The following FBXO43 variants were observed in gnomAD, a reference collection of about 807,000 sequenced individuals.
The protein encoded by FBXO43 is F-box only protein 43.
FBXO43 carries 22 observed loss-of-function variants against 56.7 expected under a neutral mutation model. That is an observed-to-expected ratio of 0.39 (90% CI 0.28 to 0.55). The LOEUF (loss-of-function observed/expected upper bound fraction) is 0.55, where lower values mean the gene tolerates loss of function less well. Ranked by LOEUF, FBXO43 falls within the 20% of genes least tolerant of loss-of-function variation. The pLI is 0.66. For missense variants in FBXO43, 733 were observed against 814.9 expected (o/e 0.90, Z 1.22); for synonymous variants, 306 against 294.5 (o/e 1.04, Z -0.40).
intron 3 of FBXO43, among the ~76,000 whole-genome samples, chr8:100,136,446 C>T (rs1335279916): frequency 6.6e-6 from 1 of 152,016 alleles, no homozygotes; most frequent in Admixed American, 6.6e-5. Context: ...CTTTTTTGGC[C>T]TAAAGTTGAA....
At position 100,134,436 on chromosome 8, in the gene FBXO43, G is replaced by A. The variant is rs188203494; in HGVS notation, c.1675-72C>T. The A allele has an allele frequency of 5.3e-5, 68 of 1,271,824 alleles. No individual in the cohort carries two copies. The East Asian group carries it at 8.1e-4, about 15-fold the overall frequency. 78.8% of individuals were successfully genotyped at this position (1,271,824 alleles called of 1,614,324 possible). A position where few individuals can be genotyped will look rare whatever the true frequency, so the allele number is the denominator to read the frequency against. Reference sequence around the variant, plus strand: ...TCCGGGATAGCTTTCTGATGCACACGGATTTATATGCTTTGAAGAGGTTTT... The same window carrying A: ...TCCGGGATAGCTTTCTGATGCACACAGATTTATATGCTTTGAAGAGGTTTT... On this transcript the variant is annotated intron_variant, in intron 3 of 4. Coordinates refer to ENST00000428847, the MANE Select transcript of FBXO43 (RefSeq NM_001029860.4).
upstream of FBXO43, among the ~76,000 whole-genome samples, chr8:100,149,906 G>T (rs2453639): frequency 0.38 from 57,145 of 151,962 alleles, 11,003 homozygotes; most frequent in East Asian, 0.51. Context: ...AAATGTAAAC[G>T]TTCTGAACCC....
chr8:100,141,747 A>G lies in FBXO43; in HGVS notation c.507T>C (p.Phe169=). Residue 169 remains phenylalanine, a synonymous_variant, in exon 2 of 5, where the codon TTT becomes TTC. Transcript: ENST00000428847. ...TTTCTAAAGAACTATTTTGTGATTCAAAGTCCCCTTTTAGAAGAGCGAAAG... is the reference window on the plus strand; with the variant it reads ...TTTCTAAAGAACTATTTTGTGATTCGAAGTCCCCTTTTAGAAGAGCGAAAG... The part of the protein sequence containing the change: ...NVSFALLKGD[F]ESQNSSLESS... 6.3e-7 allele frequency: 1 copy of G among 1,595,382 alleles called. No individual in the cohort carries two copies. The highest frequency in any genetic ancestry group is 8.5e-7 in the Non-Finnish European group (1 of 1,169,706).
At chr8:100,147,753 G>A (rs2453636), upstream of FBXO43, among the ~76,000 whole-genome samples, 57,319 of 151,996 alleles carry the variant, frequency 0.38, 11,073 homozygotes, top group East Asian at 0.51. Flanking sequence ...CAACTGCATG[G>A]GGCAAGGAGT....
rs764669281 is a variant in FBXO43 at position 100,141,192 on chromosome 8, A to AGT, written c.1061_1062insAC (p.Phe355LeufsTer19). 1.1e-5 allele frequency: 17 copies of AGT among 1,614,194 alleles called. No homozygotes were observed. The highest frequency in any genetic ancestry group is 1.4e-5 in the Non-Finnish European group (17 of 1,180,054). ...TATGTTTCTGCAGTAGTTCTTGAAA[A>AGT]GAACCCTCCTGGTCAGACAGGGAAT... is the stretch of plus-strand genomic sequence containing the variant. On this transcript the variant is annotated frameshift_variant, in exon 2 of 5. Transcript: ENST00000428847. LOFTEE classifies it high-confidence loss of function.
chr8:100,137,965 A>G (rs1814524540), intron 2 of FBXO43, among the ~76,000 whole-genome samples: 1 of 152,224 alleles, frequency 6.6e-6, no homozygotes, highest in Non-Finnish European at 1.5e-5. Context: ...CTTCAAATGT[A>G]ACATTAAAAA....
Position 100,133,598 on chromosome 8 carries a change from A to T in FBXO43, c.*204T>A. On this transcript the variant is annotated 3_prime_UTR_variant, in exon 5 of 5. Coordinates refer to ENST00000428847, the MANE Select transcript of FBXO43 (RefSeq NM_001029860.4). ...CTTTATTTAAAATACCAAGTTATTAAAATGGGTAAAATGACATAGTAAAAT... is the reference window on the plus strand; with the variant it reads ...CTTTATTTAAAATACCAAGTTATTATAATGGGTAAAATGACATAGTAAAAT... 1 of 471,182 alleles carries T rather than the reference A, an allele frequency of 2.1e-6. No individual in the cohort carries two copies. Among genetic ancestry groups the T allele is most frequent in the South Asian group, 4.9e-5 (1 of 20,308 alleles). 29.2% of individuals were successfully genotyped at this position (471,182 alleles called of 1,614,324 possible). A position where few individuals can be genotyped will look rare whatever the true frequency, so the allele number is the denominator to read the frequency against.
At position 100,141,793 on chromosome 8, in the gene FBXO43, G is replaced by A. The variant is rs370867232; in HGVS notation, c.461C>T (p.Pro154Leu). ...TPKISGKKCL[P>L]RRRLNVSFAL... ...GAAAGATACATTCAACCTTCTGCGA[G>A]GTAAACATTTTTTCCCACTGATTTT... The change falls in exon 2 of 5, where the codon CCT becomes CTT. Residue 154 changes from proline (P) to leucine (L), a missense_variant. Coordinates refer to ENST00000428847, the MANE Select transcript of FBXO43 (RefSeq NM_001029860.4). 1.9e-6 allele frequency: 3 copies of A among 1,583,372 alleles called. No homozygotes were observed. Among genetic ancestry groups the A allele is most frequent in the Admixed American group, 3.8e-5 (2 of 53,236 alleles).
chr8:100,137,706 T>C (rs1381665626), intron 2 of FBXO43, 39 bp from the exon 3 acceptor site: 3 of 1,454,032 alleles, frequency 2.1e-6, no homozygotes, highest in Non-Finnish European at 2.9e-6. Context: ...GCATACATTC[T>C]ATAGGATTAA....
intron 3 of FBXO43, among the ~76,000 whole-genome samples, chr8:100,135,946 A>C (rs1257664936): frequency 1.3e-5 from 2 of 151,056 alleles, no homozygotes; most frequent in East Asian, 1.9e-4. Context: ...TTTTTTGAGA[A>C]TAGAACATTT....
Position 100,142,013 on chromosome 8 carries a change from A to C in FBXO43, c.241T>G (p.Leu81Val), listed in dbSNP as rs1814674382. 1 of 1,613,578 alleles carries C rather than the reference A, an allele frequency of 6.2e-7. No individual in the cohort carries two copies. The highest frequency in any genetic ancestry group is 8.5e-7 in the Non-Finnish European group (1 of 1,179,916). Residue 81 changes from leucine (L) to valine (V), a missense_variant, in exon 2 of 5, where the codon TTA becomes GTA. Coordinates refer to ENST00000428847, the MANE Select transcript of FBXO43 (RefSeq NM_001029860.4). The part of the protein sequence containing the change: ...SSFQDSGYNE[L>V]KSCSFDNIDK... ...ATATTATCAAAGCTACAAGATTTTA[A>C]CTCATTGTAGCCACTATCTTGAAAT...
intron 1 of FBXO43, among the ~76,000 whole-genome samples, chr8:100,143,470 T>G (rs1814720082): frequency 2.0e-5 from 3 of 152,260 alleles, no homozygotes; most frequent in Admixed American, 2.0e-4. Context: ...GTCTAAGTAT[T>G]TTTTAACCTT....
chr8:100,140,796 G>C lies in FBXO43; in HGVS notation c.1458C>G (p.Ile486Met). 1 of 1,613,844 alleles carries C rather than the reference G, an allele frequency of 6.2e-7. No individual in the cohort carries two copies. The highest frequency in any genetic ancestry group is 8.5e-7 in the Non-Finnish European group (1 of 1,179,948). ...AVLQCILAGL[I>M]GKKMGIEKLD... The stretch of plus-strand genomic sequence containing the variant: ...GTTTTTCTATACCCATTTTCTTGCC[G>C]ATCAGTCCTGCAAGTATACACTGCA... Residue 486 changes from isoleucine (I) to methionine (M), a missense_variant, in exon 2 of 5, where the codon ATC (isoleucine) becomes ATG (methionine). Physicochemically the swap from Ile to Met is conservative, Grantham distance 10. Transcript: ENST00000428847.
chr8:100,137,402 A>G (rs1814504917), intron 3 of FBXO43, 163 bp downstream of exon 3: 1 of 559,432 alleles, frequency 1.8e-6, no homozygotes, highest in Non-Finnish European at 3.2e-6. Flanking sequence ...CCATTTACAG[A>G]CTGGGTGAAA....
upstream of FBXO43, among the ~76,000 whole-genome samples, chr8:100,150,224 T>C (rs968294517): frequency 1.3e-5 from 2 of 152,180 alleles, no homozygotes; most frequent in African/African-American, 4.8e-5. Context: ...AGTACAGATA[T>C]CAAACAATTT....
At chr8:100,137,128 C>T (rs1221652424) in intron 3 of FBXO43, 2 of 153,908 alleles carry the variant, frequency 1.3e-5, no homozygotes, top group African/African-American at 2.4e-5. Context: ...GCGATTTCGG[C>T]TCACACTGCA....
chr8:100,149,863 C>A (rs1814887488), upstream of FBXO43, among the ~76,000 whole-genome samples: 1 of 152,192 alleles, frequency 6.6e-6, no homozygotes. Context: ...CTTCACCCTA[C>A]TAAGTAAAAT....
intron 2 of FBXO43, among the ~76,000 whole-genome samples, chr8:100,140,236 C>T (rs1201940666): frequency 6.6e-6 from 1 of 152,140 alleles, no homozygotes; most frequent in African/African-American, 2.4e-5. Flanking sequence ...TTTGGGAGGC[C>T]GAGATGGGTG....
intron 3 of FBXO43, 161 bp downstream of exon 3, chr8:100,137,404 T>A: frequency 3.6e-6 from 2 of 561,870 alleles, no homozygotes; most frequent in Non-Finnish European, 6.3e-6. Flanking sequence ...ATTTACAGAC[T>A]GGGTGAAAAT....
Sources: allele counts gnomAD v4.1 joint callset (sites outside exome capture counted in the v4.1 genomes callset), GRCh38; gene constraint gnomAD v4.1.1; transcripts MANE v1.5; gene names NCBI Gene and HGNC (gene_info 2026-07-23, HGNC 2026-07-21).